Variants in ATXN1 observed in about 807,000 individuals in gnomAD.
The protein encoded by ATXN1 is ataxin 1, also known as ataxin-1.
Under a neutral mutation model 56.4 loss-of-function variants are expected in ATXN1, and 8 were observed. The ratio of observed to expected loss-of-function variants is 0.14; its 90% confidence interval spans 0.08 to 0.26. ATXN1 has a LOEUF of 0.26. Among genes scored for constraint, ATXN1 ranks in the 10% least tolerant of loss-of-function variants. The pLI, the probability that ATXN1 is intolerant of heterozygous loss-of-function variation, is 1.00. For missense variants in ATXN1, 987 were observed against 1,106.5 expected, an observed-to-expected ratio of 0.89 and a Z score of 1.53; for synonymous variants, 514 against 494.6, an observed-to-expected ratio of 1.04 and a Z score of -0.52.
At chr6:16,499,400 T>C (rs1316664326) in intron 5 of ATXN1, among the ~76,000 whole-genome samples, 1 of 152,234 alleles carries the variant, frequency 6.6e-6, no homozygotes, top group Non-Finnish European at 1.5e-5. Context: ...ACTATTTAAA[T>C]GTTTTTCCTC....
intron 6 of ATXN1, among the ~76,000 whole-genome samples, chr6:16,340,489 C>A (rs998319358): frequency 9.5e-4 from 144 of 152,334 alleles, no homozygotes; most frequent in African/African-American, 3.4e-3. Context: ...CTCTAGACCT[C>A]TCCTATATGC....
chr6:16,632,078 T>C (rs776965958), intron 3 of ATXN1, among the ~76,000 whole-genome samples: 16 of 152,336 alleles, frequency 1.1e-4, no homozygotes, highest in Non-Finnish European at 2.2e-4. Flanking sequence ...GAGGTTTAAA[T>C]GAGAGGCTAC....
rs530697932 is a variant in ATXN1 at position 16,523,568 on chromosome 6, G to A, written c.-360-880C>T. 9.8e-5 allele frequency among the ~76,000 whole-genome samples: 15 copies of A among 152,318 alleles called. No homozygotes were observed. The East Asian group carries it at 2.9e-3, about 29-fold the overall frequency. ...TGGAGTTTTGCTACATTGCCAGGCTGTGAAGAAGTCTTAATAAATAACCAA... is the reference window on the plus strand; with the variant it reads ...TGGAGTTTTGCTACATTGCCAGGCTATGAAGAAGTCTTAATAAATAACCAA... On this transcript the variant is annotated intron_variant, in intron 4 of 7. Coordinates refer to ENST00000436367, the MANE Select transcript of ATXN1 (RefSeq NM_001128164.2).
chr6:16,583,916 T>C (rs1274226202), intron 4 of ATXN1, among the ~76,000 whole-genome samples: 7 of 152,170 alleles, frequency 4.6e-5, no homozygotes, highest in Non-Finnish European at 8.8e-5. Flanking sequence ...ATACTATGGT[T>C]CATGCCAATA....
intron 6 of ATXN1, among the ~76,000 whole-genome samples, chr6:16,445,561 T>G (rs867800142): frequency 6.6e-6 from 1 of 151,962 alleles, no homozygotes; most frequent in Non-Finnish European, 1.5e-5. Flanking sequence ...TTAGGGTACA[T>G]GTGCACAATG....
intron 6 of ATXN1, among the ~76,000 whole-genome samples, chr6:16,464,850 T>G (rs530755035): frequency 6.6e-6 from 1 of 151,962 alleles, no homozygotes; most frequent in Non-Finnish European, 1.5e-5. Context: ...AAACACAGAA[T>G]GTACAACAGG....
At chr6:16,494,279 T>C (rs1425667109) in intron 5 of ATXN1, among the ~76,000 whole-genome samples, 1 of 152,232 alleles carries the variant, frequency 6.6e-6, no homozygotes, top group East Asian at 1.9e-4. Flanking sequence ...CGTTCCCTGT[T>C]CAGTCAACAT....
chr6:16,740,237 T>G (rs1760290068), intron 2 of ATXN1, among the ~76,000 whole-genome samples: 1 of 152,220 alleles, frequency 6.6e-6, no homozygotes, highest in Admixed American at 6.5e-5. Flanking sequence ...GGACAGTGTA[T>G]TTTACTAAAA....
At chr6:16,337,702 C>A (rs142363558) in intron 6 of ATXN1, among the ~76,000 whole-genome samples, 1 of 152,334 alleles carries the variant, frequency 6.6e-6, no homozygotes, top group African/African-American at 2.4e-5. Context: ...GGGGCACCCA[C>A]GTTTCTGTTT....
chr6:16,610,282 C>T (rs1456156099), intron 3 of ATXN1, among the ~76,000 whole-genome samples: 11 of 151,452 alleles, frequency 7.3e-5, no homozygotes, highest in African/African-American at 2.4e-4. Context: ...ACCAACCAAC[C>T]AAAAACTCAC....
intron 4 of ATXN1, among the ~76,000 whole-genome samples, chr6:16,553,587 T>C (rs1310278980): frequency 2.0e-5 from 3 of 152,258 alleles, no homozygotes; most frequent in Non-Finnish European, 4.4e-5. Flanking sequence ...CTTAGCACTC[T>C]GCTTGGTACA....
chr6:16,682,912 T>C (rs1167319733), intron 2 of ATXN1, among the ~76,000 whole-genome samples: 3 of 152,198 alleles, frequency 2.0e-5, no homozygotes, highest in South Asian at 2.1e-4. Flanking sequence ...TATTTATTTG[T>C]TGAGTTATAT....
intron 4 of ATXN1, among the ~76,000 whole-genome samples, chr6:16,554,098 G>A (rs934805472): frequency 1.2e-4 from 18 of 152,202 alleles, no homozygotes; most frequent in African/African-American, 4.1e-4. Context: ...ATTGTAAGTA[G>A]ATTAGGATAT....
chr6:16,712,923 A>G (rs1447652343), intron 2 of ATXN1, among the ~76,000 whole-genome samples: 3 of 152,200 alleles, frequency 2.0e-5, no homozygotes, highest in Non-Finnish European at 4.4e-5. Flanking sequence ...ACAAATGGCT[A>G]CGAGGGAGTA....
At chr6:16,632,994 C>A (rs561160774) in intron 3 of ATXN1, among the ~76,000 whole-genome samples, 1 of 96,710 alleles carries the variant, frequency 1.0e-5, no homozygotes. Context: ...CAAAACTCCG[C>A]CTCAAAAAAA....
intron 6 of ATXN1, among the ~76,000 whole-genome samples, chr6:16,347,342 A>AT (rs1294053213): frequency 1.3e-5 from 2 of 152,256 alleles, no homozygotes; most frequent in Non-Finnish European, 2.9e-5. Context: ...TAGCTAAGGG[A>AT]TTTTAAATAC....
intron 6 of ATXN1, among the ~76,000 whole-genome samples, chr6:16,484,954 T>TGC (rs1561720437): frequency 9.6e-6 from 1 of 103,668 alleles, no homozygotes; most frequent in African/African-American, 3.0e-5. Flanking sequence ...TATATGTGTG[T>TGC]GTGTGTGTGT....
Position 16,303,773 on chromosome 6 carries a change from A to AGTT in ATXN1, c.*2553_*2555dup, listed in dbSNP as rs1233150537. On this transcript the variant is annotated 3_prime_UTR_variant, in exon 8 of 8. Transcript: ENST00000436367. This position sits in a 1 kb window ranked among gnomAD's most constrained non-coding sequence, Gnocchi z 4.3. ...GTGTGTGTTTTTCTGAGTCCACATG[A>AGTT]GTTGTAAATAGTGATATTAATGAGA... The AGTT allele has an allele frequency of 5.9e-5, 9 of 152,624 alleles. No individual in the cohort carries two copies. Among genetic ancestry groups the AGTT allele is most frequent in the Non-Finnish European group, 1.5e-5 (1 of 68,040 alleles). 9.5% of individuals were successfully genotyped at this position (152,624 alleles called of 1,614,324 possible).
At chr6:16,642,249 G>T (rs1763718791) in intron 3 of ATXN1, among the ~76,000 whole-genome samples, 1 of 152,140 alleles carries the variant, frequency 6.6e-6, no homozygotes, top group South Asian at 2.1e-4. Flanking sequence ...CAAAAAATTA[G>T]CCCAGCGTGG....
Sources: allele counts gnomAD v4.1 joint callset (sites outside exome capture counted in the v4.1 genomes callset), GRCh38; gene constraint gnomAD v4.1.1; non-coding constraint Gnocchi (gnomAD v3.1); transcripts MANE v1.5; gene names NCBI Gene and HGNC (gene_info 2026-07-23, HGNC 2026-07-21).